Variants in SRGAP2 observed in about 807,000 individuals in gnomAD.
SRGAP2 encodes the protein SLIT-ROBO Rho GTPase activating protein 2.
A neutral mutation model predicts 57.2 loss-of-function variants in SRGAP2; 15 were observed. That is an observed-to-expected ratio of 0.26 (90% CI 0.18 to 0.40). SRGAP2 has a LOEUF of 0.40. SRGAP2 is among the 10% of genes least tolerant of loss of function. The pLI, the probability that SRGAP2 is intolerant of heterozygous loss-of-function variation, is 1.00. For synonymous variants in SRGAP2, 249 were observed against 248.0 expected (o/e 1.00, Z -0.04); for missense variants, 520 against 669.6 (o/e 0.78, Z 2.47).
rs781809007 is a variant in SRGAP2 at position 206,392,657 on chromosome 1, C to T, written c.487-32C>T. The stretch of plus-strand genomic sequence containing the variant: ...AGAGAAATGACCCCCTTGGCTTGAC[C>T]TCTGGGGGTGGGGGTGGGCGATGTC... On this transcript the variant is annotated intron_variant, in intron 5 of 22. Transcript: ENST00000573034. 16 of 730,734 alleles carry T rather than the reference C, an allele frequency of 2.2e-5. No individual in the cohort carries two copies. In the African/African-American group the frequency reaches 2.4e-4, roughly 11 times the overall value. The allele number at this position is 730,734 out of a possible 1,614,324, so 45.3% of individuals were successfully genotyped here. A position where few individuals can be genotyped will look rare whatever the true frequency, so the allele number is the denominator to read the frequency against.
chr1:206,306,120 G>T (rs1672178350), intron 3 of SRGAP2, among the ~76,000 whole-genome samples: 1 of 151,984 alleles, frequency 6.6e-6, no homozygotes, highest in African/African-American at 2.4e-5. Context: ...ACAAATTAAG[G>T]TTCAGATGTG....
chr1:206,327,228 G>A (rs1673991212), intron 3 of SRGAP2, among the ~76,000 whole-genome samples: 1 of 152,004 alleles, frequency 6.6e-6, no homozygotes, highest in South Asian at 2.1e-4. Flanking sequence ...TCAGGAGGCT[G>A]AGGCAGGAGA....
intron 10 of SRGAP2, among the ~76,000 whole-genome samples, chr1:206,414,196 G>A (rs979580873): frequency 1.3e-5 from 2 of 151,588 alleles, no homozygotes; most frequent in Non-Finnish European, 2.9e-5. Flanking sequence ...CACCATGCCC[G>A]GCTAATTTTT....
intron 3 of SRGAP2, among the ~76,000 whole-genome samples, chr1:206,310,384 GTAGGTTCTATTAT>G (rs1672551454): frequency 6.6e-6 from 1 of 151,972 alleles, no homozygotes; most frequent in South Asian, 2.1e-4. Flanking sequence ...TGTGGGGTAG[GTAGGTTCTATTAT>G]TATAAATAAG....
chr1:206,254,584 G>A (rs1371064365), intron 2 of SRGAP2, among the ~76,000 whole-genome samples: 1 of 149,394 alleles, frequency 6.7e-6, no homozygotes, highest in Non-Finnish European at 1.5e-5. Context: ...GCCTTTTGAC[G>A]TGATCCTGTT....
At chr1:206,252,276 C>CT (rs1190268431) in intron 2 of SRGAP2, among the ~76,000 whole-genome samples, 42 of 150,412 alleles carry the variant, frequency 2.8e-4, no homozygotes, top group Middle Eastern at 3.4e-3. Context: ...GTCTCTCTCT[C>CT]TTTTTTTTTT....
intron 3 of SRGAP2, among the ~76,000 whole-genome samples, chr1:206,314,405 A>G (rs1553325339): frequency 6.6e-6 from 1 of 152,214 alleles, no homozygotes; most frequent in East Asian, 1.9e-4. Context: ...AAGTGCTGGG[A>G]TTACAGGCAT....
At chr1:206,214,266 G>T (rs1427235081) in intron 2 of SRGAP2, among the ~76,000 whole-genome samples, 1 of 152,144 alleles carries the variant, frequency 6.6e-6, no homozygotes, top group Admixed American at 6.5e-5. Flanking sequence ...GCTAACATTT[G>T]CTGTCTGTTG....
At chr1:206,341,118 G>A (rs1553335080) in intron 3 of SRGAP2, among the ~76,000 whole-genome samples, 1 of 152,234 alleles carries the variant, frequency 6.6e-6, no homozygotes, top group Non-Finnish European at 1.5e-5. Flanking sequence ...TGAAGTCCAA[G>A]TAAGTATGGC....
chr1:206,325,510 G>GT (rs1325725736), intron 3 of SRGAP2, among the ~76,000 whole-genome samples: 4 of 151,226 alleles, frequency 2.6e-5, no homozygotes, highest in African/African-American at 9.8e-5. Flanking sequence ...TGCCCAGCTA[G>GT]TTTTTTGTAT....
intron 2 of SRGAP2, among the ~76,000 whole-genome samples, chr1:206,295,602 G>A (rs1295422857): frequency 2.0e-5 from 3 of 150,688 alleles, no homozygotes; most frequent in Non-Finnish European, 4.4e-5. Context: ...ATCTTCCTGA[G>A]CTTTCAACAC....
At chr1:206,241,556 G>C (rs1393134874) in intron 2 of SRGAP2, among the ~76,000 whole-genome samples, 6 of 151,270 alleles carry the variant, frequency 4.0e-5, no homozygotes, top group Non-Finnish European at 7.4e-5. Context: ...GTCCACAAAG[G>C]GTCTTGGGAT....
At chr1:206,418,881 A>ACTCT (rs146895320) in intron 11 of SRGAP2, among the ~76,000 whole-genome samples, 1,374 of 98,000 alleles carry the variant, frequency 0.014, 19 homozygotes, top group Non-Finnish European at 0.017. Flanking sequence ...TCAGCCTCCA[A>ACTCT]CTCTCTCTGT....
chr1:206,311,130 C>T (rs1331480405), intron 3 of SRGAP2, among the ~76,000 whole-genome samples: 1 of 150,680 alleles, frequency 6.6e-6, no homozygotes, highest in Non-Finnish European at 1.5e-5. Flanking sequence ...CAACTCATAT[C>T]TGACTGGCCA....
intron 17 of SRGAP2, among the ~76,000 whole-genome samples, chr1:206,445,430 G>GA (rs1245708730): frequency 2.0e-5 from 3 of 152,170 alleles, no homozygotes; most frequent in Admixed American, 2.0e-4. Context: ...ACCTTTTCCT[G>GA]AAAAAATCCT....
intron 2 of SRGAP2, among the ~76,000 whole-genome samples, chr1:206,249,721 A>G (rs1224457174): frequency 6.6e-6 from 1 of 152,006 alleles, no homozygotes; most frequent in African/African-American, 2.4e-5. Flanking sequence ...CTGCACATAT[A>G]TCCCAGAACT....
At chr1:206,267,785 A>G (rs1272183988) in intron 2 of SRGAP2, among the ~76,000 whole-genome samples, 1 of 147,548 alleles carries the variant, frequency 6.8e-6, no homozygotes, top group Non-Finnish European at 1.5e-5. Context: ...GAAATTCAAA[A>G]CTGGATAAAG....
At chr1:206,292,182 C>A (rs1671366475) in intron 2 of SRGAP2, among the ~76,000 whole-genome samples, 1 of 152,312 alleles carries the variant, frequency 6.6e-6, no homozygotes, top group African/African-American at 2.4e-5. Flanking sequence ...CATCTCTGAA[C>A]AGTCCACTGG....
chr1:206,378,142 A>C (rs1655375762), intron 4 of SRGAP2, among the ~76,000 whole-genome samples: 1 of 141,370 alleles, frequency 7.1e-6, no homozygotes, highest in Admixed American at 7.2e-5. Context: ...TCTTTAGGCC[A>C]GGAGTTTGAG....
Sources: allele counts gnomAD v4.1 joint callset (sites outside exome capture counted in the v4.1 genomes callset), GRCh38; gene constraint gnomAD v4.1.1; transcripts MANE v1.5; gene names NCBI Gene and HGNC (gene_info 2026-07-23, HGNC 2026-07-21).